CAPN14: variants seen among roughly 807,000 people sequenced by gnomAD.
The protein encoded by CAPN14 is calpain-14.
Under a neutral mutation model 101.3 loss-of-function variants are expected in CAPN14, and 94 were observed. The ratio of observed to expected loss-of-function variants is 0.93; its 90% CI spans 0.79 to 1.10. The LOEUF is 1.10. Ranked by LOEUF, CAPN14 falls within the 50% of genes least tolerant of loss-of-function variation. The pLI is 0.00. For missense variants in CAPN14, 837 were observed against 828.4 expected (o/e 1.01, Z -0.13); for synonymous variants, 338 against 317.9 (o/e 1.06, Z -0.67).
At chr2:31,228,847 C>T (rs887408284) in intron 1 of CAPN14, among the ~76,000 whole-genome samples, 1 of 152,156 alleles carries the variant, frequency 6.6e-6, no homozygotes, top group Non-Finnish European at 1.5e-5. Flanking sequence ...GCTCACACAG[C>T]AAAGACACGG....
Position 31,200,468 on chromosome 2 carries a change from A to T in CAPN14, c.709T>A (p.Cys237Ser). ...EATYNRTLIG[C>S]QTHSGEKILE... ...AGTCTCACCCCTGAGTGGGTCTGGC[A>T]GCCAATGAGGGTTCTGTTGTAGGTG... The change falls in exon 6 of 22, where the codon TGC (cysteine) becomes AGC (serine). Residue 237 changes from cysteine to serine, a missense_variant. Physicochemically the swap from Cys to Ser is moderately radical, Grantham distance 112 (BLOSUM62 -1). Coordinates refer to ENST00000403897, the MANE Select transcript of CAPN14 (RefSeq NM_001145122.2). 6.5e-7 allele frequency: 1 copy of T among 1,549,928 alleles called. No individual in the cohort carries two copies. The highest frequency in any genetic ancestry group is 8.7e-7 in the Non-Finnish European group (1 of 1,146,764).
chr2:31,187,702 A>G (rs939868683), intron 15 of CAPN14, 56 bp downstream of exon 15: 103 of 1,426,610 alleles, frequency 7.2e-5, no homozygotes, highest in Non-Finnish European at 9.3e-5. Flanking sequence ...ATAAAATGAG[A>G]AGCTCCACTT....
intron 1 of CAPN14, among the ~76,000 whole-genome samples, chr2:31,206,472 C>T (rs1170347816): frequency 3.9e-5 from 6 of 152,182 alleles, no homozygotes; most frequent in Non-Finnish European, 5.9e-5. Flanking sequence ...AGGCTGGTCT[C>T]GAACTCCTGA....
chr2:31,211,947 T>C (rs372195281), intron 1 of CAPN14, among the ~76,000 whole-genome samples: 2 of 152,084 alleles, frequency 1.3e-5, no homozygotes, highest in African/African-American at 4.8e-5. Flanking sequence ...TTTGGGGTAA[T>C]GGAAATGTTC....
rs1426181854 is a variant in CAPN14 at position 31,230,130 on chromosome 2, G to A, written c.-176-3479C>T. Among the ~76,000 whole-genome samples, 1 of 152,120 alleles carries A rather than the reference G, an allele frequency of 6.6e-6. No homozygotes were observed. The highest frequency in any genetic ancestry group is 1.5e-5 in the Non-Finnish European group (1 of 68,016). On this transcript the variant is annotated intron_variant and NMD_transcript_variant, in intron 1 of 21. Transcript: ENST00000398824. The surrounding 1 kb of genome is among the most constrained non-coding windows in gnomAD (Gnocchi z 4.3). ...GTTGTACAGATGATTTCATCACCCAGGTGTTAAGTCTAGTAACCAATAGTT... is the reference window on the plus strand; with the variant it reads ...GTTGTACAGATGATTTCATCACCCAAGTGTTAAGTCTAGTAACCAATAGTT...
At chr2:31,197,680 A>T (rs775403616) in intron 7 of CAPN14, among the ~76,000 whole-genome samples, 48 of 152,258 alleles carry the variant, frequency 3.2e-4, no homozygotes, top group Admixed American at 7.2e-4. Flanking sequence ...AAATGTAATT[A>T]AAGTAAGGAC....
At chr2:31,178,316 T>C (rs902765264) in intron 18 of CAPN14, among the ~76,000 whole-genome samples, 195 bp downstream of exon 18, 1 of 152,170 alleles carries the variant, frequency 6.6e-6, no homozygotes, top group African/African-American at 2.4e-5. Context: ...GTTTTGGAAC[T>C]TCAGGAGACT....
At chr2:31,190,239 C>T (rs1338071289) in intron 12 of CAPN14, among the ~76,000 whole-genome samples, 4 of 151,806 alleles carry the variant, frequency 2.6e-5, no homozygotes, top group African/African-American at 9.7e-5. Context: ...TCACTCAGGG[C>T]TATAGAGGGA....
chr2:31,191,603 G>C (rs535145655), intron 11 of CAPN14, among the ~76,000 whole-genome samples, 196 bp from the exon 12 acceptor site: 3 of 152,284 alleles, frequency 2.0e-5, no homozygotes, highest in Non-Finnish European at 4.4e-5. Flanking sequence ...GGAAATTCTG[G>C]AAAAGAGGGA....
At position 31,230,552 on chromosome 2, in the gene CAPN14, G is replaced by A. The variant is rs541420681; in HGVS notation, c.-177+3239C>T. ...CCAACTTTTTATTCTTGCCATTTTGGTGGGTATGGAGTGTTAGTGTGGTTT... is the reference window on the plus strand; with the variant it reads ...CCAACTTTTTATTCTTGCCATTTTGATGGGTATGGAGTGTTAGTGTGGTTT... On this transcript the variant is annotated intron_variant and NMD_transcript_variant, in intron 1 of 21. Coordinates refer to the CAPN14 transcript ENST00000398824. The surrounding 1 kb of genome is among the most constrained non-coding windows in gnomAD (Gnocchi z 4.3). Among the ~76,000 whole-genome samples the A allele has an allele frequency of 1.3e-5, 2 of 152,278 alleles. No individual in the cohort carries two copies. The highest frequency in any genetic ancestry group is 6.5e-5 in the Admixed American group (1 of 15,302).
chr2:31,218,726 G>C (rs1682762074), upstream of CAPN14, among the ~76,000 whole-genome samples: 1 of 152,208 alleles, frequency 6.6e-6, no homozygotes, highest in Non-Finnish European at 1.5e-5. Flanking sequence ...GATAACCGCA[G>C]CCAGTAAACA....
chr2:31,222,167 A>G (rs1682879737), upstream of CAPN14, among the ~76,000 whole-genome samples: 1 of 152,164 alleles, frequency 6.6e-6, no homozygotes. Flanking sequence ...TTTTCCTCCT[A>G]CAGTTCCAAG....
intron 1 of CAPN14, among the ~76,000 whole-genome samples, chr2:31,206,023 T>TTA (rs1191528729): frequency 1.5e-5 from 2 of 131,774 alleles, no homozygotes; most frequent in Non-Finnish European, 3.3e-5. Context: ...TTATCTTTAT[T>TTA]TTTTTTATTT....
upstream of CAPN14, among the ~76,000 whole-genome samples, chr2:31,218,151 G>A (rs1408868221): frequency 6.6e-6 from 1 of 152,044 alleles, no homozygotes; most frequent in Non-Finnish European, 1.5e-5. Flanking sequence ...CTTGGGTCCC[G>A]TTGCTCCAAA....
intron 14 of CAPN14, 25 bp from the exon 15 acceptor site, chr2:31,187,839 A>T (rs1446455133): frequency 2.0e-6 from 3 of 1,534,032 alleles, no homozygotes; most frequent in African/African-American, 2.8e-5. Flanking sequence ...ACACAGAAAG[A>T]CACAATTATT....
chr2:31,201,197 A>G (rs58962890), intron 5 of CAPN14, among the ~76,000 whole-genome samples: 5,709 of 131,024 alleles, frequency 0.044, 294 homozygotes, highest in African/African-American at 0.12. Context: ...GTGTGTGTGC[A>G]TGTGTGTGTG....
intron 12 of CAPN14, among the ~76,000 whole-genome samples, chr2:31,190,379 G>C (rs1681118157): frequency 6.6e-6 from 1 of 152,164 alleles, no homozygotes; most frequent in Non-Finnish European, 1.5e-5. Flanking sequence ...TCCTGATGAG[G>C]TAGGCATTTT....
chr2:31,181,039 C>A, intron 16 of CAPN14, 39 bp from the exon 17 acceptor site: 1 of 1,505,372 alleles, frequency 6.6e-7, no homozygotes, highest in South Asian at 1.2e-5. Context: ...GGGCTGGCCC[C>A]AGGTCTGCAC....
At position 31,230,558 on chromosome 2, in the gene CAPN14, A is replaced by G. The variant is rs1683159257; in HGVS notation, c.-177+3233T>C. The stretch of plus-strand genomic sequence containing the variant: ...TTTTATTCTTGCCATTTTGGTGGGT[A>G]TGGAGTGTTAGTGTGGTTTGGCATT... On this transcript the variant is annotated intron_variant and NMD_transcript_variant, in intron 1 of 21. Coordinates refer to the CAPN14 transcript ENST00000398824. This position sits in a 1 kb window ranked among gnomAD's most constrained non-coding sequence, Gnocchi z 4.3. Among the ~76,000 whole-genome samples the G allele has an allele frequency of 6.6e-6, 1 of 152,206 alleles. No individual in the cohort carries two copies. Among genetic ancestry groups the G allele is most frequent in the Non-Finnish European group, 1.5e-5 (1 of 68,030 alleles).
Sources: gnomAD v4.1 joint callset for allele counts (sites outside exome capture counted in the v4.1 genomes callset) on GRCh38, gnomAD v4.1.1 for gene constraint, Gnocchi (gnomAD v3.1) non-coding constraint, MANE v1.5 for transcripts, NCBI Gene and HGNC (gene_info 2026-07-23, HGNC 2026-07-21) for gene names.